ZFHX3: variants seen among roughly 807,000 people sequenced by gnomAD.
ZFHX3 encodes zinc finger homeobox protein 3.
ZFHX3 carries 42 observed loss-of-function variants against 279.1 expected under a neutral mutation model. The observed-to-expected ratio is 0.15, with a 90% CI of 0.12 to 0.19. The LOEUF (loss-of-function observed/expected upper bound fraction) is 0.19, where lower values mean the gene tolerates loss of function less well. ZFHX3 is among the 10% of genes least tolerant of loss of function. The pLI is 1.00. For missense variants in ZFHX3, 4,981 were observed against 4,754.0 expected (o/e 1.05, Z -1.40); for synonymous variants, 2,293 against 1,957.8 (o/e 1.17, Z -4.52).
At chr16:73,846,027 G>A (rs184588959) in intron 1 of ZFHX3, among the ~76,000 whole-genome samples, 37 of 152,182 alleles carry the variant, frequency 2.4e-4, no homozygotes, top group African/African-American at 8.7e-4. Context: ...TCTAAATTCT[G>A]GACTCAAGCA....
intron 1 of ZFHX3, among the ~76,000 whole-genome samples, chr16:73,866,765 C>A (rs1274814634): frequency 3.3e-5 from 5 of 152,242 alleles, no homozygotes; most frequent in South Asian, 4.1e-4. Flanking sequence ...GAGGTAAACA[C>A]AGGAAGGACA....
chr16:73,240,284 T>C (rs1033892492), intron 5 of ZFHX3, among the ~76,000 whole-genome samples: 1 of 151,902 alleles, frequency 6.6e-6, no homozygotes, highest in Non-Finnish European at 1.5e-5. Context: ...ATGGGTGCCA[T>C]TTTGGCTCAC....
At chr16:73,426,624 C>T (rs2017815404) in intron 3 of ZFHX3, among the ~76,000 whole-genome samples, 1 of 151,790 alleles carries the variant, frequency 6.6e-6, no homozygotes, top group South Asian at 2.1e-4. Flanking sequence ...TGCGTACGTG[C>T]ACTGATGAAG....
chr16:73,702,545 T>A (rs867025481), intron 1 of ZFHX3, among the ~76,000 whole-genome samples: 2 of 152,058 alleles, frequency 1.3e-5, no homozygotes, highest in Admixed American at 6.6e-5. Flanking sequence ...AAAAATCGCA[T>A]GAGATTAGTG....
intron 1 of ZFHX3, among the ~76,000 whole-genome samples, chr16:73,735,740 C>A (rs1350624422): frequency 6.6e-6 from 1 of 152,114 alleles, no homozygotes; most frequent in East Asian, 1.9e-4. Flanking sequence ...CCCTTTTGAG[C>A]TATCTCATCT....
intron 2 of ZFHX3, among the ~76,000 whole-genome samples, chr16:72,956,842 A>AAAAG (rs3079317): frequency 6.6e-6 from 1 of 151,580 alleles, no homozygotes; most frequent in East Asian, 1.9e-4. Flanking sequence ...AAAAAAAAAA[A>AAAAG]CATCTCTTTC....
At chr16:73,816,842 C>T (rs1960587687) in intron 1 of ZFHX3, among the ~76,000 whole-genome samples, 1 of 152,312 alleles carries the variant, frequency 6.6e-6, no homozygotes, top group Admixed American at 6.5e-5. Context: ...CACACCCAGA[C>T]AACTGGACTT....
At chr16:73,674,820 G>GA (rs2052938325) in intron 2 of ZFHX3, among the ~76,000 whole-genome samples, 1 of 152,026 alleles carries the variant, frequency 6.6e-6, no homozygotes, top group South Asian at 2.1e-4. Context: ...AGGCTATCAG[G>GA]AAAAAAACAG....
At chr16:73,805,914 G>C (rs528027302) in intron 1 of ZFHX3, among the ~76,000 whole-genome samples, 4 of 152,174 alleles carry the variant, frequency 2.6e-5, no homozygotes, top group Non-Finnish European at 5.9e-5. Flanking sequence ...GAGGGAACAT[G>C]TATTATTCCA....
chr16:73,706,708 C>T (rs1199151597), intron 1 of ZFHX3, among the ~76,000 whole-genome samples: 1 of 152,096 alleles, frequency 6.6e-6, no homozygotes, highest in Non-Finnish European at 1.5e-5. Flanking sequence ...GTGTCTTTGC[C>T]AAAGATGTTT....
At chr16:73,597,563 C>T (rs2052064284) in intron 2 of ZFHX3, among the ~76,000 whole-genome samples, 1 of 152,158 alleles carries the variant, frequency 6.6e-6, no homozygotes, top group African/African-American at 2.4e-5. Flanking sequence ...CAATGACTGG[C>T]ATCTTTTGAC....
chr16:73,027,660 C>G (rs1443782296), intron 1 of ZFHX3, among the ~76,000 whole-genome samples: 1 of 152,136 alleles, frequency 6.6e-6, no homozygotes, highest in East Asian at 1.9e-4. Context: ...CTATCCTCCC[C>G]ACTGCCCCCA....
intron 1 of ZFHX3, among the ~76,000 whole-genome samples, chr16:73,033,274 G>C (rs933444438): frequency 3.9e-5 from 6 of 152,148 alleles, no homozygotes; most frequent in African/African-American, 7.2e-5. Context: ...AAAGCACCTG[G>C]AGAAAAAGGG....
intron 5 of ZFHX3, among the ~76,000 whole-genome samples, chr16:73,148,209 T>G (rs901607753): frequency 6.6e-6 from 1 of 152,254 alleles, no homozygotes; most frequent in Non-Finnish European, 1.5e-5. Flanking sequence ...TTGTGAAGCC[T>G]AACATATTTA....
chr16:73,553,684 G>A (rs747965791), intron 2 of ZFHX3, among the ~76,000 whole-genome samples: 2 of 152,072 alleles, frequency 1.3e-5, no homozygotes, highest in African/African-American at 2.4e-5. Flanking sequence ...TGTCTTAATG[G>A]CAACCCAAAA....
intron 2 of ZFHX3, among the ~76,000 whole-genome samples, chr16:73,606,299 G>A (rs1156673333): frequency 1.3e-5 from 2 of 150,684 alleles, no homozygotes; most frequent in African/African-American, 4.9e-5. Context: ...CCTGAGGTCA[G>A]GAGTCCGAGA....
chr16:73,261,668 GTTT>G (rs1187489542), intron 4 of ZFHX3, among the ~76,000 whole-genome samples: 69 of 80,696 alleles, frequency 8.6e-4, no homozygotes, highest in Middle Eastern at 0.01. Context: ...TCCTGTGATT[GTTT>G]TTTTTTTTTT....
intron 5 of ZFHX3, among the ~76,000 whole-genome samples, chr16:72,812,495 G>C (rs991898223): frequency 2.0e-5 from 3 of 152,132 alleles, no homozygotes; most frequent in Non-Finnish European, 4.4e-5. Flanking sequence ...CCCTCCTCTT[G>C]GAATCACAAC....
chr16:73,342,382 C>T (rs2016049085), intron 3 of ZFHX3, among the ~76,000 whole-genome samples: 1 of 152,176 alleles, frequency 6.6e-6, no homozygotes, highest in African/African-American at 2.4e-5. Flanking sequence ...TGGCTACATA[C>T]TGAAGCATGG....
Sources: gnomAD v4.1 joint callset for allele counts (sites outside exome capture counted in the v4.1 genomes callset) on GRCh38, gnomAD v4.1.1 for gene constraint, MANE v1.5 for transcripts, NCBI Gene and HGNC (gene_info 2026-07-23, HGNC 2026-07-21) for gene names.